The following NFXL1 variants were observed in gnomAD, a reference collection of about 807,000 sequenced individuals.
NFXL1 encodes the protein NF-X1-type zinc finger protein NFXL1.
Under a neutral mutation model 123.3 loss-of-function variants are expected in NFXL1, and 66 were observed. That is an observed-to-expected ratio of 0.54 (90% confidence interval 0.44 to 0.66). The LOEUF (loss-of-function observed/expected upper bound fraction) is 0.66, where lower values mean the gene tolerates loss of function less well. NFXL1 is among the 30% of genes least tolerant of loss of function. The pLI is 0.00. For synonymous variants in NFXL1, 346 were observed against 360.8 expected (o/e 0.96, Z 0.46); for missense variants, 944 against 1,125.6 (o/e 0.84, Z 2.31).
intron 18 of NFXL1, among the ~76,000 whole-genome samples, chr4:47,865,850 A>G (rs1016576733): frequency 5.9e-5 from 9 of 152,144 alleles, no homozygotes; most frequent in African/African-American, 2.2e-4. Flanking sequence ...CCCCGTCTCT[A>G]CAAAAAAACA....
chr4:47,912,753 C>T (rs548434134), intron 2 of NFXL1, among the ~76,000 whole-genome samples: 1 of 146,814 alleles, frequency 6.8e-6, no homozygotes, highest in Non-Finnish European at 1.5e-5. Flanking sequence ...CCACCGCGCC[C>T]GGACAGAATG....
intron 15 of NFXL1, 45 bp from the exon 16 acceptor site, chr4:47,879,162 C>A: frequency 4.8e-6 from 4 of 829,740 alleles, no homozygotes; most frequent in South Asian, 4.2e-5. Flanking sequence ...ACAAATTATT[C>A]AAAAATAATA....
chr4:47,877,240 C>T (rs1560590502), intron 17 of NFXL1: 6 of 439,692 alleles, frequency 1.4e-5, no homozygotes, highest in Middle Eastern at 3.4e-4. Context: ...CCAGCTATGG[C>T]AGAAACAAAA....
Position 47,913,969 on chromosome 4 carries a change from C to A in NFXL1, c.235G>T (p.Glu79Ter). 6.5e-7 allele frequency: 1 copy of A among 1,542,904 alleles called. No homozygotes were observed. Among genetic ancestry groups the A allele is most frequent in the Non-Finnish European group, 8.7e-7 (1 of 1,143,344 alleles). The part of the protein sequence containing the change: ...SQALQTTAAS[E>*]LMSQKKFEEI... ...GCACGCGGGCGGGAGCCATTCTCAC[C>A]GCTGGCTGCGGTAGTCTGCAGGGCT... The change falls in exon 2 of 23, where the codon GAG (glutamate) becomes TAG (stop). Residue 79 changes from glutamate (E) to a stop codon, truncating the protein, a stop_gained and splice_region_variant. Transcript: ENST00000507489. LOFTEE classifies it high-confidence loss of function.
intron 19 of NFXL1, among the ~76,000 whole-genome samples, chr4:47,858,615 C>T (rs1004393550): frequency 6.6e-6 from 1 of 152,148 alleles, no homozygotes; most frequent in Non-Finnish European, 1.5e-5. Context: ...AAAGTGCATA[C>T]TTTTAAACTT....
intron 20 of NFXL1, among the ~76,000 whole-genome samples, chr4:47,854,040 A>C (rs1734270956): frequency 6.6e-6 from 1 of 152,118 alleles, no homozygotes; most frequent in Non-Finnish European, 1.5e-5. Flanking sequence ...TCACATTAAA[A>C]ATGGCTTGAC....
chr4:47,859,497 T>G (rs1734600185), intron 19 of NFXL1, among the ~76,000 whole-genome samples: 2 of 152,076 alleles, frequency 1.3e-5, no homozygotes, highest in South Asian at 4.1e-4. Context: ...AAGTAAAAAG[T>G]AGAAAAGCTT....
chr4:47,880,062 T>C (rs1735994989), intron 15 of NFXL1, among the ~76,000 whole-genome samples: 2 of 152,012 alleles, frequency 1.3e-5, no homozygotes, highest in Admixed American at 6.6e-5. Context: ...GACGTCATTA[T>C]ACTAAAAATT....
chr4:47,901,147 T>A (rs936946467), intron 5 of NFXL1, among the ~76,000 whole-genome samples: 1 of 152,204 alleles, frequency 6.6e-6, no homozygotes, highest in Non-Finnish European at 1.5e-5. Context: ...TTATGCTAGA[T>A]CTTCTTCATT....
intron 18 of NFXL1, 65 bp from the exon 19 acceptor site, chr4:47,862,980 A>C: frequency 1.2e-6 from 1 of 825,012 alleles, no homozygotes; most frequent in South Asian, 1.5e-5. Context: ...TTTTCTAAAA[A>C]TAACTCATAA....
At chr4:47,893,702 GA>G (rs900476216) in intron 11 of NFXL1, among the ~76,000 whole-genome samples, 93 of 134,786 alleles carry the variant, frequency 6.9e-4, no homozygotes, top group African/African-American at 2.1e-3. Context: ...CTTCAGAATA[GA>G]AAAAAAAAAA....
intron 17 of NFXL1, among the ~76,000 whole-genome samples, chr4:47,876,195 G>A (rs1266800373): frequency 2.0e-5 from 3 of 152,024 alleles, no homozygotes; most frequent in Non-Finnish European, 4.4e-5. Flanking sequence ...CATGTGCCAG[G>A]CATTGTTCTT....
chr4:47,864,779 T>C (rs1734957472), intron 18 of NFXL1, among the ~76,000 whole-genome samples: 1 of 152,228 alleles, frequency 6.6e-6, no homozygotes, highest in Admixed American at 6.5e-5. Flanking sequence ...CCTTCTTTCA[T>C]ACCTCACTCT....
chr4:47,913,194 G>A (rs1258154219), intron 2 of NFXL1, among the ~76,000 whole-genome samples: 1 of 152,082 alleles, frequency 6.6e-6, no homozygotes, highest in Non-Finnish European at 1.5e-5. Flanking sequence ...AATGTATCCT[G>A]AAATGCATTC....
chr4:47,894,004 C>A (rs1736930041), intron 11 of NFXL1, among the ~76,000 whole-genome samples, 176 bp downstream of exon 11: 1 of 151,698 alleles, frequency 6.6e-6, no homozygotes, highest in Admixed American at 6.6e-5. Context: ...GGTACAATTC[C>A]CACTAGTACA....
At chr4:47,905,948 T>C (rs1737550280) in intron 3 of NFXL1, among the ~76,000 whole-genome samples, 1 of 152,194 alleles carries the variant, frequency 6.6e-6, no homozygotes, top group African/African-American at 2.4e-5. Context: ...TCAGTAATTA[T>C]TGAGTGCTTA....
At chr4:47,879,719 T>A (rs933949173) in intron 15 of NFXL1, among the ~76,000 whole-genome samples, 7 of 152,040 alleles carry the variant, frequency 4.6e-5, no homozygotes, top group African/African-American at 1.7e-4. Context: ...GATTAAAGAA[T>A]AGGCAAATAA....
intron 5 of NFXL1, 52 bp downstream of exon 5, chr4:47,903,141 A>G (rs2119204): frequency 0.81 from 1,117,343 of 1,379,648 alleles, 454,220 homozygotes; most frequent in East Asian, 0.97. Flanking sequence ...TGACAAGAGC[A>G]AAACTCCATC....
intron 15 of NFXL1, among the ~76,000 whole-genome samples, chr4:47,883,607 G>A (rs894352461): frequency 1.3e-5 from 2 of 152,162 alleles, no homozygotes; most frequent in Non-Finnish European, 1.5e-5. Flanking sequence ...ACTTGACTGT[G>A]TGACCAATAC....
Sources: gnomAD v4.1 joint callset for allele counts (sites outside exome capture counted in the v4.1 genomes callset) on GRCh38, gnomAD v4.1.1 for gene constraint, MANE v1.5 for transcripts, NCBI Gene and HGNC (gene_info 2026-07-23, HGNC 2026-07-21) for gene names.